The following SCN1A variants were observed in gnomAD, a reference collection of about 807,000 sequenced individuals.
The protein encoded by SCN1A is sodium voltage-gated channel alpha subunit 1.
A neutral mutation model predicts 193.7 loss-of-function variants in SCN1A; 13 were observed. That is an observed-to-expected ratio of 0.07 (90% CI 0.04 to 0.11). The LOEUF (loss-of-function observed/expected upper bound fraction) is 0.11, where lower values mean the gene tolerates loss of function less well. Ranked by LOEUF, SCN1A falls within the 10% of genes least tolerant of loss-of-function variation. The pLI is 1.00. For missense variants in SCN1A, 1,432 were observed against 2,451.1 expected (o/e 0.58, Z 8.78); for synonymous variants, 781 against 843.6 (o/e 0.93, Z 1.29).
Position 166,043,974 on chromosome 2 carries a change from G to C in SCN1A, c.1738C>G (p.Arg580Gly). Reference sequence around the variant, plus strand: ...TTCTCAGATCCCACATCCTTTGCTCGCCCTCTAAAGCTGAAAAGGCTTGTT... The same window carrying C: ...TTCTCAGATCCCACATCCTTTGCTCCCCCTCTAAAGCTGAAAAGGCTTGTT... ...SRTSLFSFRG[R>G]AKDVGSENDF... Residue 580 changes from arginine to glycine, a missense_variant, in exon 14 of 29, where the codon CGA becomes GGA. Physicochemically the swap from Arg to Gly is moderately radical, Grantham distance 125. Around this residue, in one of 18 missense-constraint regions of SCN1A, gnomAD observed 316 missense variants for 362.1 expected, o/e 0.87. Transcript: ENST00000674923. 1.1e-5 allele frequency: 17 copies of C among 1,614,068 alleles called. No homozygotes were observed. The highest frequency in any genetic ancestry group is 1.4e-5 in the Non-Finnish European group (17 of 1,180,004).
chr2:166,089,567 T>G (rs1291492870), intron 2 of SCN1A, among the ~76,000 whole-genome samples: 1 of 151,936 alleles, frequency 6.6e-6, no homozygotes, highest in Non-Finnish European at 1.5e-5. Context: ...CTTTTTTTGG[T>G]TGACTAGGTA....
rs1468825512 is a variant in SCN1A at position 166,073,513 on chromosome 2, G to T, written c.109C>A (p.Pro37Thr). 1 of 1,614,108 alleles carries T rather than the reference G, an allele frequency of 6.2e-7. No individual in the cohort carries two copies. The change falls in exon 4 of 29, where the codon CCC (proline) becomes ACC (threonine). Residue 37 changes from proline (P) to threonine (T), a missense_variant. Physicochemically the swap from Pro to Thr is conservative, Grantham distance 38. This residue lies in a region of SCN1A where 55 missense variants were observed against 58.4 expected (regional missense o/e 0.94). Transcript: ENST00000674923. ...RRIAEEKAKN[P>T]KPDKKDDDEN... ...TCGTCATCTTTTTTGTCTGGTTTGG[G>T]ATTCTTTGCCTTTTCTTCTGCAATG...
chr2:166,041,704 A>G lies in SCN1A; in HGVS notation c.2177-235T>C, dbSNP rs1014454012. Among the ~76,000 whole-genome samples, 3 of 152,176 alleles carry G rather than the reference A, an allele frequency of 2.0e-5. No individual in the cohort carries two copies. The East Asian group carries it at 5.8e-4, about 29-fold the overall frequency. ...GTAGTTTTTTGTCTTATGCACTGACATTGTGGCTCAGCACTTGGCCTCAAG... is the reference window on the plus strand; with the variant it reads ...GTAGTTTTTTGTCTTATGCACTGACGTTGTGGCTCAGCACTTGGCCTCAAG... On this transcript the variant is annotated intron_variant, in intron 15 of 28. Transcript: ENST00000674923.
chr2:166,100,235 C>T (rs1406912321), intron 2 of SCN1A, among the ~76,000 whole-genome samples: 2 of 128,842 alleles, frequency 1.6e-5, no homozygotes, highest in Non-Finnish European at 3.3e-5. Flanking sequence ...TGATCTTTGA[C>T]AAACCTGAGA....
chr2:165,998,041 C>A lies in SCN1A; in HGVS notation c.4473G>T (p.Lys1491Asn). Residue 1491 changes from lysine to asparagine, a missense_variant, in exon 26 of 29, where the codon AAG becomes AAT. Lys to Asn is a moderately conservative substitution (Grantham distance 94, BLOSUM62 0). Around this residue, in one of 18 missense-constraint regions of SCN1A, gnomAD observed 85 missense variants for 119.1 expected, o/e 0.71. Coordinates refer to ENST00000674923, the MANE Select transcript of SCN1A (RefSeq NM_001165963.4). ...AGAAAATATTAGAAATACTTATCTT[C>A]TTTTTCTGCTGGTTGAAATTATCTA... ...VIIDNFNQQK[K>N]KFGGQDIFMT... The A allele has an allele frequency of 6.2e-7, 1 of 1,602,156 alleles. No individual in the cohort carries two copies. Among genetic ancestry groups the A allele is most frequent in the Non-Finnish European group, 8.5e-7 (1 of 1,171,206 alleles).
chr2:166,131,774 G>A (rs1691670861), upstream of SCN1A, among the ~76,000 whole-genome samples: 1 of 152,168 alleles, frequency 6.6e-6, no homozygotes, highest in Non-Finnish European at 1.5e-5. Context: ...TCCTGGAGTT[G>A]TGGAGTTCTG....
At chr2:166,145,124 C>G (rs1692259079) in intron 1 of SCN1A, among the ~76,000 whole-genome samples, 3 of 148,154 alleles carry the variant, frequency 2.0e-5, no homozygotes, top group Non-Finnish European at 3.0e-5. Context: ...GCGTGAGCCA[C>G]TGCACCTGGC....
intron 3 of SCN1A, among the ~76,000 whole-genome samples, chr2:166,074,739 C>T (rs1331115993): frequency 6.6e-6 from 1 of 152,152 alleles, no homozygotes; most frequent in Non-Finnish European, 1.5e-5. Flanking sequence ...TGCATTAACT[C>T]ATTAAGGTCA....
chr2:166,136,186 C>T (rs776764903), intron 1 of SCN1A, among the ~76,000 whole-genome samples: 9 of 152,138 alleles, frequency 5.9e-5, no homozygotes, highest in Non-Finnish European at 1.3e-4. Context: ...CTGTATTCCT[C>T]ATCTTTGTGG....
chr2:166,094,247 T>C (rs1296939717), intron 2 of SCN1A, among the ~76,000 whole-genome samples: 1 of 152,220 alleles, frequency 6.6e-6, no homozygotes, highest in Non-Finnish European at 1.5e-5. Flanking sequence ...ATTTTGAGAA[T>C]TGTATACTGA....
intron 1 of SCN1A, among the ~76,000 whole-genome samples, chr2:166,146,365 C>A (rs1692321947): frequency 6.6e-6 from 1 of 151,762 alleles, no homozygotes; most frequent in Non-Finnish European, 1.5e-5. Flanking sequence ...AACCTACCTA[C>A]TTCCAAAAGG....
At position 165,991,885 on chromosome 2, in the gene SCN1A, G is replaced by A. The variant is rs141734753; in HGVS notation, c.5390C>T (p.Ala1797Val). The change falls in exon 29 of 29, where the codon GCA (alanine) becomes GTA (valine). Residue 1797 changes from alanine to valine, a missense_variant. Coordinates refer to ENST00000674923, the MANE Select transcript of SCN1A (RefSeq NM_001165963.4). ...AAAGTCATCCTCACTCAGAGGCTCT[G>A]CACTTTCTTCAGTAGCAACACTGAA... is the stretch of plus-strand genomic sequence containing the variant. ...ENFSVATEES[A>V]EPLSEDDFEM... The A allele has an allele frequency of 6.2e-7, 1 of 1,613,802 alleles. No individual in the cohort carries two copies.
chr2:166,034,052 A>G (rs562835851), intron 19 of SCN1A, among the ~76,000 whole-genome samples: 2 of 152,312 alleles, frequency 1.3e-5, no homozygotes, highest in South Asian at 2.1e-4. Flanking sequence ...GTCTGAACTG[A>G]CATAATATCC....
In SCN1A at chr2:166,137,455, G is replaced by A. The variant is rs1341735140; in HGVS notation, c.-50+11592C>T. On this transcript the variant is annotated intron_variant, in intron 1 of 26. Transcript: ENST00000635750. Reference sequence around the variant, plus strand: ...CCTGGTGGGAGGTAATTGAATCATGGTGGCGAGTCTTTCCTGTGTTGTTCT... The same window carrying A: ...CCTGGTGGGAGGTAATTGAATCATGATGGCGAGTCTTTCCTGTGTTGTTCT... 2.6e-5 allele frequency: 4 copies of A among 152,132 alleles called. No individual in the cohort carries two copies. In the South Asian group the frequency reaches 8.3e-4, roughly 31 times the overall value. The allele number at this position is 152,132 out of a possible 1,614,324, so 9.4% of individuals were successfully genotyped here. A position where few individuals can be genotyped will look rare whatever the true frequency, so the allele number is the denominator to read the frequency against.
At chr2:166,029,501 T>G (rs1269310882) in intron 19 of SCN1A, among the ~76,000 whole-genome samples, 1 of 152,142 alleles carries the variant, frequency 6.6e-6, no homozygotes, top group Non-Finnish European at 1.5e-5. Flanking sequence ...TGCCATCTCT[T>G]AGAGACTATG....
intron 21 of SCN1A, 39 bp from the exon 22 acceptor site, chr2:166,012,321 T>G (rs1692596150): frequency 6.8e-7 from 1 of 1,476,968 alleles, no homozygotes; most frequent in South Asian, 1.2e-5. Flanking sequence ...CTTTCAAAAA[T>G]AATTATACTC....
intron 19 of SCN1A, among the ~76,000 whole-genome samples, chr2:166,020,440 CA>C (rs1693897236): frequency 1.3e-5 from 2 of 152,148 alleles, no homozygotes; most frequent in Non-Finnish European, 2.9e-5. Flanking sequence ...CCTTGATGTG[CA>C]AAAATTGCTC....
At position 166,009,856 on chromosome 2, in the gene SCN1A, A is replaced by G. The variant is rs1692190248; in HGVS notation, c.3880-15T>C. The G allele has an allele frequency of 3.1e-6, 5 of 1,603,626 alleles. No homozygotes were observed. In the East Asian group the frequency reaches 1.1e-4, roughly 36 times the overall value. On this transcript the variant is annotated splice_polypyrimidine_tract_variant and intron_variant, in intron 22 of 28. Coordinates refer to ENST00000674923, the MANE Select transcript of SCN1A (RefSeq NM_001165963.4). ...ACCAATGAAACCTGCACACACAAAA[A>G]TAATAACAATTAATAAACAGAATCA...
At chr2:166,011,455 G>C (rs929810196) in intron 22 of SCN1A, among the ~76,000 whole-genome samples, 1 of 151,048 alleles carries the variant, frequency 6.6e-6, no homozygotes, top group African/African-American at 2.4e-5. Flanking sequence ...ATAAAGGGCT[G>C]TTTGGGCTTG....
Sources: allele counts gnomAD v4.1 joint callset (sites outside exome capture counted in the v4.1 genomes callset), GRCh38; gene constraint gnomAD v4.1.1; regional missense constraint gnomAD v4.1.1; transcripts MANE v1.5; gene names NCBI Gene and HGNC (gene_info 2026-07-23, HGNC 2026-07-21).